FMN2: variants seen among roughly 807,000 people sequenced by gnomAD.
FMN2 encodes formin 2, also known as formin-2.
In FMN2, 51 loss-of-function variants were observed where a neutral mutation model predicts 142.3. The ratio of observed to expected loss-of-function variants is 0.36; its 90% CI spans 0.29 to 0.45. The LOEUF is 0.45. FMN2 is among the 20% of genes least tolerant of loss of function. The pLI is 1.00. For missense variants in FMN2, 1,936 were observed against 2,122.8 expected (o/e 0.91, Z 1.73); for synonymous variants, 882 against 869.8 (o/e 1.01, Z -0.25).
intron 15 of FMN2, among the ~76,000 whole-genome samples, chr1:240,426,613 A>G (rs1674942687): frequency 1.3e-5 from 2 of 152,172 alleles, no homozygotes; most frequent in African/African-American, 2.4e-5. Context: ...TTTGTAGTCA[A>G]TTTGGTTTCC....
intron 13 of FMN2, among the ~76,000 whole-genome samples, chr1:240,340,438 G>T (rs996510842): frequency 1.3e-5 from 2 of 151,972 alleles, no homozygotes; most frequent in African/African-American, 2.4e-5. Flanking sequence ...AAAATGAACC[G>T]GGCATGGTGG....
chr1:240,325,194 CA>C, intron 8 of FMN2, among the ~76,000 whole-genome samples: 1 of 150,936 alleles, frequency 6.6e-6, no homozygotes, highest in African/African-American at 2.4e-5. Context: ...CCCGTCTCTA[CA>C]AAAAAAACAA....
intron 16 of FMN2, among the ~76,000 whole-genome samples, chr1:240,443,488 A>T (rs1313273831): frequency 6.6e-6 from 1 of 152,004 alleles, no homozygotes; most frequent in Non-Finnish European, 1.5e-5. Context: ...TTGGGAGGCC[A>T]GCACTTTGGG....
At chr1:240,458,886 A>G (rs559759677) in intron 16 of FMN2, 11 of 152,302 alleles carry the variant, frequency 7.2e-5, no homozygotes, top group African/African-American at 2.6e-4. Context: ...ATGTACAGAA[A>G]GAATATGGTC....
chr1:240,160,757 T>C (rs1558329118), intron 2 of FMN2, among the ~76,000 whole-genome samples: 1 of 151,970 alleles, frequency 6.6e-6, no homozygotes, highest in Non-Finnish European at 1.5e-5. Context: ...TATTCCTATA[T>C]GGTCTAGAAG....
chr1:240,205,206 C>T (rs1338394477), intron 4 of FMN2, among the ~76,000 whole-genome samples: 1 of 152,052 alleles, frequency 6.6e-6, no homozygotes, highest in East Asian at 1.9e-4. Context: ...AACCCTGGAA[C>T]ACTGAAGAAA....
At chr1:240,184,469 G>A (rs1362805194) in intron 3 of FMN2, among the ~76,000 whole-genome samples, 3 of 150,412 alleles carry the variant, frequency 2.0e-5, no homozygotes, top group African/African-American at 7.3e-5. Flanking sequence ...GCCCGCCTCG[G>A]CCTCCCGAAG....
chr1:240,222,455 A>G (rs765576687), intron 6 of FMN2, among the ~76,000 whole-genome samples: 9 of 151,858 alleles, frequency 5.9e-5, no homozygotes, highest in Non-Finnish European at 1.3e-4. Context: ...TTTGCTTAGG[A>G]TGACTTGGCT....
At chr1:240,398,502 C>A (rs529068809) in intron 15 of FMN2, among the ~76,000 whole-genome samples, 1 of 152,022 alleles carries the variant, frequency 6.6e-6, no homozygotes, top group Admixed American at 6.6e-5. Flanking sequence ...ATGACAAAAT[C>A]GTTAGTAAAA....
intron 8 of FMN2, among the ~76,000 whole-genome samples, chr1:240,312,839 T>A (rs925459970): frequency 3.9e-5 from 6 of 152,168 alleles, no homozygotes; most frequent in African/African-American, 1.4e-4. Context: ...AAAATGCACT[T>A]CTCGAACTGA....
intron 2 of FMN2, among the ~76,000 whole-genome samples, chr1:240,132,495 C>A (rs1306930828): frequency 6.6e-6 from 1 of 152,028 alleles, no homozygotes; most frequent in African/African-American, 2.4e-5. Flanking sequence ...AAGACCAGTC[C>A]ATGGTGGAGA....
chr1:240,216,128 AAAGT>A (rs138888039), intron 6 of FMN2, among the ~76,000 whole-genome samples: 319 of 152,346 alleles, frequency 2.1e-3, no homozygotes, highest in Non-Finnish European at 3.4e-3. Context: ...GTAAGCAGTA[AAAGT>A]AAGAGCCACT....
intron 2 of FMN2, among the ~76,000 whole-genome samples, chr1:240,165,254 C>G (rs960686568): frequency 1.3e-5 from 2 of 152,176 alleles, no homozygotes; most frequent in African/African-American, 4.8e-5. Flanking sequence ...TAGCTCACTG[C>G]AGCCTCAACC....
rs1665094663 is a variant in FMN2 at position 240,180,278 on chromosome 1, C to T, written c.1930+2210C>T. ...TTTTCATCAGAGTGATCTAATGGGT[C>T]TTTCTAAACTTCTTCTGTTGTGACT... On this transcript the variant is annotated intron_variant, in intron 3 of 17. Transcript: ENST00000319653. 3 of 708,702 alleles carry T rather than the reference C, an allele frequency of 4.2e-6. No individual in the cohort carries two copies. The Admixed American group carries it at 1.1e-4, about 25-fold the overall frequency. 43.9% of individuals were successfully genotyped at this position (708,702 alleles called of 1,614,324 possible). A position where few individuals can be genotyped will look rare whatever the true frequency, so the allele number is the denominator to read the frequency against.
chr1:240,331,231 T>C (rs1457339249), intron 11 of FMN2, among the ~76,000 whole-genome samples: 1 of 152,162 alleles, frequency 6.6e-6, no homozygotes, highest in African/African-American at 2.4e-5. Flanking sequence ...AAGGTGATTC[T>C]ACTCTGCTGC....
In FMN2 at chr1:240,208,110, C is replaced by T. The variant is rs775015840; in HGVS notation, c.3298C>T (p.Pro1100Ser). The T allele has an allele frequency of 8.8e-7, 1 of 1,140,916 alleles. No individual in the cohort carries two copies. The highest frequency in any genetic ancestry group is 1.3e-6 in the Non-Finnish European group (1 of 792,104). 70.7% of individuals were successfully genotyped at this position (1,140,916 alleles called of 1,614,324 possible). ...PLPGAGIPPP[P>S]PLPGVGIPPP... The stretch of plus-strand genomic sequence containing the variant: ...ACCCGGAGCGGGCATACCCCCTCCG[C>T]CCCCTCTACCCGGAGTGGGCATACC... Residue 1100 changes from proline to serine, a missense_variant, in exon 5 of 18, where the codon CCC becomes TCC. Physicochemically the swap from Pro to Ser is moderately conservative, Grantham distance 74 (BLOSUM62 -1). This residue lies in a region of FMN2 where 56 missense variants were observed against 111.8 expected (regional missense o/e 0.50). Coordinates refer to ENST00000319653, the MANE Select transcript of FMN2 (RefSeq NM_020066.5).
intron 8 of FMN2, among the ~76,000 whole-genome samples, chr1:240,310,900 A>G (rs1464557906): frequency 6.6e-6 from 1 of 152,120 alleles, no homozygotes; most frequent in Non-Finnish European, 1.5e-5. Flanking sequence ...TCTGAAAATC[A>G]TTTTTTTCTT....
At chr1:240,421,379 T>C (rs761905680) in intron 15 of FMN2, among the ~76,000 whole-genome samples, 2 of 152,230 alleles carry the variant, frequency 1.3e-5, no homozygotes, top group Non-Finnish European at 2.9e-5. Context: ...TTCCAGATAA[T>C]ATAACACGTT....
intron 8 of FMN2, among the ~76,000 whole-genome samples, chr1:240,298,317 A>G (rs1251329434): frequency 6.6e-6 from 1 of 152,224 alleles, no homozygotes; most frequent in African/African-American, 2.4e-5. Flanking sequence ...CGTATTTTAT[A>G]TGCCAATAAT....
Sources: allele counts gnomAD v4.1 joint callset (sites outside exome capture counted in the v4.1 genomes callset), GRCh38; gene constraint gnomAD v4.1.1; regional missense constraint gnomAD v4.1.1; transcripts MANE v1.5; gene names NCBI Gene and HGNC (gene_info 2026-07-23, HGNC 2026-07-21).